Variants in EBF3 observed in about 807,000 individuals in gnomAD.
EBF3 encodes EBF transcription factor 3.
EBF3 carries 18 observed loss-of-function variants against 77.1 expected under a neutral mutation model. The observed-to-expected ratio is 0.23, with a 90% CI of 0.16 to 0.35. EBF3 has a LOEUF of 0.35. EBF3 is among the 10% of genes least tolerant of loss of function. The probability of loss-of-function intolerance (pLI) is 1.00; values close to 1 mark genes in which losing one functional copy is unlikely to be tolerated. For missense variants in EBF3, 558 were observed against 860.0 expected (o/e 0.65, Z 4.39); for synonymous variants, 350 against 343.5 (o/e 1.02, Z -0.21).
chr10:129,852,937 A>C (rs2134000678), intron 10 of EBF3, among the ~76,000 whole-genome samples: 1 of 152,332 alleles, frequency 6.6e-6, no homozygotes, highest in South Asian at 2.1e-4. Flanking sequence ...AACTGCTGCA[A>C]GGGACTCTGG....
intron 8 of EBF3, among the ~76,000 whole-genome samples, chr10:129,871,904 C>T (rs1406404355): frequency 6.6e-6 from 1 of 152,080 alleles, no homozygotes; most frequent in Non-Finnish European, 1.5e-5. Flanking sequence ...TGTCGAGAAA[C>T]AAACAGGAAA....
intron 6 of EBF3, among the ~76,000 whole-genome samples, chr10:129,899,241 G>T (rs1170796521): frequency 6.6e-6 from 1 of 152,242 alleles, no homozygotes; most frequent in African/African-American, 2.4e-5. Flanking sequence ...TCAATAAGGT[G>T]ACGGCACCAT....
At chr10:129,846,921 G>A (rs1391994110) in intron 11 of EBF3, among the ~76,000 whole-genome samples, 2 of 152,098 alleles carry the variant, frequency 1.3e-5, no homozygotes, top group Non-Finnish European at 2.9e-5. Flanking sequence ...GTCCCCCGGG[G>A]AGGCAGAAGC....
chr10:129,904,172 A>C (rs1180932410), intron 6 of EBF3, among the ~76,000 whole-genome samples: 1 of 152,072 alleles, frequency 6.6e-6, no homozygotes, highest in Admixed American at 6.5e-5. Flanking sequence ...CAGACCCTTC[A>C]TCTTCATAGC....
rs1481001088 is a variant in EBF3 at position 129,871,000 on chromosome 10, T to C, written c.781+2452A>G. ...CTGCTAAAATGTCTTGTAATTGTGCTTGGGATGTCCAGATGGCTGGCTGAT... is the reference window on the plus strand; with the variant it reads ...CTGCTAAAATGTCTTGTAATTGTGCCTGGGATGTCCAGATGGCTGGCTGAT... On this transcript the variant is annotated intron_variant, in intron 8 of 16. Transcript: ENST00000440978. This position sits in a 1 kb window ranked among gnomAD's most constrained non-coding sequence, Gnocchi z 4.4. Among the ~76,000 whole-genome samples the C allele has an allele frequency of 6.6e-6, 1 of 152,220 alleles. No homozygotes were observed. Among genetic ancestry groups the C allele is most frequent in the Non-Finnish European group, 1.5e-5 (1 of 68,040 alleles).
chr10:129,842,117 T>G lies in EBF3; in HGVS notation c.1371A>C (p.Gln457His). 6.2e-7 allele frequency: 1 copy of G among 1,614,182 alleles called. No homozygotes were observed. Among genetic ancestry groups the G allele is most frequent in the Non-Finnish European group, 8.5e-7 (1 of 1,180,036 alleles). The change falls in exon 13 of 17, where the codon CAA becomes CAC. Residue 457 changes from glutamine (Q) to histidine (H), a missense_variant and splice_region_variant. This residue lies in a region of EBF3 where 284 missense variants were observed against 368.3 expected (regional missense o/e 0.77). Transcript: ENST00000440978. The surrounding 1 kb of genome is among the most constrained non-coding windows in gnomAD (Gnocchi z 4.4). Reference protein sequence around the residue: ...NVSETSQANDQVGYSRNTSSV... With the variant: ...NVSETSQANDHVGYSRNTSSV... The stretch of plus-strand genomic sequence containing the variant: ...GGTCCTCCCAGCATGCTGGCATACC[T>G]TGGTCGTTGGCTTGTGACGTCTCTG...
At chr10:129,867,977 G>A (rs963796769) in intron 8 of EBF3, 65 bp from the exon 9 acceptor site, 27 of 1,580,308 alleles carry the variant, frequency 1.7e-5, no homozygotes, top group African/African-American at 4.1e-5. Context: ...TGGGCCGCTC[G>A]GCCACCGCGC....
At chr10:129,954,712 A>G (rs2134594814) in intron 6 of EBF3, among the ~76,000 whole-genome samples, 1 of 152,266 alleles carries the variant, frequency 6.6e-6, no homozygotes, top group East Asian at 1.9e-4. Flanking sequence ...TCTGGTCAGA[A>G]CCTGCTAAAT....
rs909764074 is a variant in EBF3 at position 129,836,110 on chromosome 10, C to T, written c.*1833G>A. On this transcript the variant is annotated 3_prime_UTR_variant, in exon 17 of 17. Coordinates refer to ENST00000440978, the MANE Select transcript of EBF3 (RefSeq NM_001375380.1). ...AAGGAGAGACGGGTCATGCAGCGGGCTTGTGCTTTTTTGTGTGTGTTTGTG... is the reference window on the plus strand; with the variant it reads ...AAGGAGAGACGGGTCATGCAGCGGGTTTGTGCTTTTTTGTGTGTGTTTGTG... 1 of 152,546 alleles carries T rather than the reference C, an allele frequency of 6.6e-6. No individual in the cohort carries two copies. The highest frequency in any genetic ancestry group is 2.4e-5 in the African/African-American group (1 of 41,386). The allele number at this position is 152,546 out of a possible 1,614,324, so 9.4% of individuals were successfully genotyped here. A position where few individuals can be genotyped will look rare whatever the true frequency, so the allele number is the denominator to read the frequency against.
intron 11 of EBF3, 122 bp from the exon 12 acceptor site, chr10:129,843,324 C>T: frequency 1.0e-6 from 1 of 998,982 alleles, no homozygotes; most frequent in Non-Finnish European, 1.5e-6. Flanking sequence ...CCCGTCCTGG[C>T]CCTGCCGTGC....
At chr10:129,867,031 T>C (rs988295716) in intron 10 of EBF3, 110 bp downstream of exon 10, 4 of 1,398,948 alleles carry the variant, frequency 2.9e-6, no homozygotes, top group African/African-American at 2.9e-5. Flanking sequence ...TGTCTGTCTT[T>C]CCACAGACCC....
Position 129,947,427 on chromosome 10 carries a change from T to A in EBF3, c.554+9831A>T, listed in dbSNP as rs1858311121. 1.3e-5 allele frequency among the ~76,000 whole-genome samples: 2 copies of A among 152,240 alleles called. No individual in the cohort carries two copies. Among genetic ancestry groups the A allele is most frequent in the Admixed American group, 1.3e-4 (2 of 15,282 alleles). ...TTGGCAATTAGGAAAATTTGTACTT[T>A]AATTTATTAAACCAAAAAAGCCAAC... On this transcript the variant is annotated intron_variant, in intron 6 of 16. Coordinates refer to ENST00000440978, the MANE Select transcript of EBF3 (RefSeq NM_001375380.1). The surrounding 1 kb of genome is among the most constrained non-coding windows in gnomAD (Gnocchi z 4.5).
At chr10:129,874,001 A>G (rs1027009087) in intron 7 of EBF3, among the ~76,000 whole-genome samples, 2 of 152,208 alleles carry the variant, frequency 1.3e-5, no homozygotes, top group Non-Finnish European at 2.9e-5. Context: ...TTCACTTGAG[A>G]CTGGCCTCCC....
chr10:129,898,311 G>A (rs1306195195), intron 6 of EBF3, among the ~76,000 whole-genome samples: 2 of 152,204 alleles, frequency 1.3e-5, no homozygotes, highest in African/African-American at 4.8e-5. Context: ...TCTAATACGG[G>A]GTCCCGGGTT....
chr10:129,895,058 G>A (rs770031058), intron 6 of EBF3, among the ~76,000 whole-genome samples: 7 of 152,356 alleles, frequency 4.6e-5, no homozygotes, highest in Admixed American at 3.9e-4. Flanking sequence ...CATGCGGAAC[G>A]GGGACAGTAA....
chr10:129,889,710 A>C (rs1446472999), intron 6 of EBF3, among the ~76,000 whole-genome samples: 3 of 151,898 alleles, frequency 2.0e-5, no homozygotes. Context: ...AGAGGAAAAC[A>C]ACCAGGATAA....
In EBF3 at chr10:129,950,305, C is replaced by T. The variant is rs565281027; in HGVS notation, c.554+6953G>A. Among the ~76,000 whole-genome samples the T allele has an allele frequency of 2.3e-4, 35 of 152,354 alleles. 1 individual carries two copies. The highest frequency in any genetic ancestry group is 8.2e-4 in the African/African-American group (34 of 41,582). On this transcript the variant is annotated intron_variant, in intron 6 of 16. Coordinates refer to ENST00000440978, the MANE Select transcript of EBF3 (RefSeq NM_001375380.1). Reference sequence around the variant, plus strand: ...GTTTGCAGAGGATGCGCCCCATCCACTCGGGCACCACAGCCCTGCATGAAT... The same window carrying T: ...GTTTGCAGAGGATGCGCCCCATCCATTCGGGCACCACAGCCCTGCATGAAT...
At chr10:129,888,439 T>C (rs570701555) in intron 6 of EBF3, among the ~76,000 whole-genome samples, 19 of 152,354 alleles carry the variant, frequency 1.2e-4, no homozygotes, top group African/African-American at 4.3e-4. Flanking sequence ...TCCTGGTGAA[T>C]TGCTAGAACA....
chr10:129,839,040 G>A (rs1032522571), intron 16 of EBF3, 43 bp downstream of exon 16: 5 of 1,302,904 alleles, frequency 3.8e-6, no homozygotes, highest in East Asian at 5.6e-5. Context: ...CCCTTCATAC[G>A]CTAACGGATG....
Sources: allele counts gnomAD v4.1 joint callset (sites outside exome capture counted in the v4.1 genomes callset), GRCh38; gene constraint gnomAD v4.1.1; regional missense constraint gnomAD v4.1.1; non-coding constraint Gnocchi (gnomAD v3.1); transcripts MANE v1.5; gene names NCBI Gene and HGNC (gene_info 2026-07-23, HGNC 2026-07-21).